Variants in CCDC158 observed in about 807,000 individuals in gnomAD.
CCDC158 encodes coiled-coil domain-containing protein 158.
CCDC158 carries 116 observed loss-of-function variants against 138.6 expected under a neutral mutation model. That is an observed-to-expected ratio of 0.84 (90% confidence interval 0.72 to 0.98). The LOEUF (loss-of-function observed/expected upper bound fraction) is 0.98. Ranked by LOEUF, CCDC158 falls within the 50% of genes least tolerant of loss-of-function variation. CCDC158 has a pLI of 0.00. For synonymous variants in CCDC158, 436 were observed against 442.4 expected (o/e 0.99, Z 0.18); for missense variants, 1,265 against 1,306.1 (o/e 0.97, Z 0.48).
chr4:76,314,775 G>A (rs2110053126), intron 24 of CCDC158, among the ~76,000 whole-genome samples: 1 of 152,250 alleles, frequency 6.6e-6, no homozygotes, highest in Admixed American at 6.5e-5. Context: ...ATCTCACAGG[G>A]GCCCTCGGGA....
chr4:76,366,893 T>A (rs1252415194), intron 12 of CCDC158, among the ~76,000 whole-genome samples: 1 of 152,154 alleles, frequency 6.6e-6, no homozygotes, highest in Non-Finnish European at 1.5e-5. Flanking sequence ...TTTTGTTTTG[T>A]TTACTTTTTG....
At chr4:76,374,120 C>G (rs1725503038) in intron 9 of CCDC158, among the ~76,000 whole-genome samples, 1 of 152,084 alleles carries the variant, frequency 6.6e-6, no homozygotes, top group Admixed American at 6.5e-5. Flanking sequence ...CGTGCCACTG[C>G]ACTCCAGCCT....
chr4:76,388,153 A>C (rs992548702), intron 4 of CCDC158, among the ~76,000 whole-genome samples: 1 of 152,172 alleles, frequency 6.6e-6, no homozygotes, highest in African/African-American at 2.4e-5. Context: ...ATTCCCAGCT[A>C]TGGTGGCTAC....
chr4:76,332,562 C>A, intron 19 of CCDC158, 71 bp from the exon 20 acceptor site: 8 of 1,183,426 alleles, frequency 6.8e-6, no homozygotes, highest in South Asian at 4.2e-5. Flanking sequence ...TTAGACTAAT[C>A]AATTGCTTAC....
chr4:76,363,560 A>G (rs543543934), intron 12 of CCDC158, among the ~76,000 whole-genome samples: 5 of 152,312 alleles, frequency 3.3e-5, no homozygotes, highest in South Asian at 4.1e-4. Context: ...ACATCTAAGC[A>G]GATGCTCCTT....
Position 76,327,819 on chromosome 4 carries a change from C to T in CCDC158, c.3010+1081G>A, listed in dbSNP as rs147818060. On this transcript the variant is annotated intron_variant, in intron 22 of 24. Transcript: ENST00000682701. ...TACAATTTACAGTCCAGATTTATAA[C>T]TACATTTTTGTTGAACAATCATCAT... Among the ~76,000 whole-genome samples the T allele has an allele frequency of 5.1e-4, 77 of 152,258 alleles. 1 individual carries two copies. The highest frequency in any genetic ancestry group is 1.8e-3 in the African/African-American group (73 of 41,558).
chr4:76,408,954 C>T (rs1194951923), intron 2 of CCDC158, among the ~76,000 whole-genome samples: 6 of 152,258 alleles, frequency 3.9e-5, no homozygotes, highest in Non-Finnish European at 7.4e-5. Context: ...AGCATTTTTT[C>T]ACGTGTCTTT....
rs1728541794 is a variant in CCDC158 at position 76,403,063 on chromosome 4, C to T, written c.70+75G>A. On this transcript the variant is annotated intron_variant, in intron 3 of 24. Coordinates refer to ENST00000682701, the MANE Select transcript of CCDC158 (RefSeq NM_001394954.1). Reference sequence around the variant, plus strand: ...CCCACATGGTTAAAAATAAAACATACTAGAAACAGCAGCTTGAATGAATAT... The same window carrying T: ...CCCACATGGTTAAAAATAAAACATATTAGAAACAGCAGCTTGAATGAATAT... 5.9e-6 allele frequency: 6 copies of T among 1,010,720 alleles called. No individual in the cohort carries two copies. The South Asian group carries it at 7.0e-5, about 12-fold the overall frequency. The allele number at this position is 1,010,720 out of a possible 1,614,324, so 62.6% of individuals were successfully genotyped here. A position where few individuals can be genotyped will look rare whatever the true frequency, so the allele number is the denominator to read the frequency against.
At chr4:76,339,970 A>G (rs1445874628) in intron 18 of CCDC158, among the ~76,000 whole-genome samples, 1 of 152,206 alleles carries the variant, frequency 6.6e-6, no homozygotes, top group Non-Finnish European at 1.5e-5. Flanking sequence ...ATCACTGACC[A>G]GAGTTTTTGG....
chr4:76,390,478 T>G (rs1727213097), intron 4 of CCDC158, among the ~76,000 whole-genome samples: 1 of 151,904 alleles, frequency 6.6e-6, no homozygotes, highest in African/African-American at 2.4e-5. Context: ...ACTGCTAAAT[T>G]TGACTGGCTT....
intron 23 of CCDC158, 104 bp downstream of exon 23, chr4:76,325,753 A>G: frequency 1.1e-6 from 1 of 887,568 alleles, no homozygotes; most frequent in Non-Finnish European, 1.7e-6. Context: ...TAGAGCTTAC[A>G]CATAAGAGCA....
chr4:76,356,608 C>A (rs1560417655), intron 14 of CCDC158: 2 of 152,104 alleles, frequency 1.3e-5, no homozygotes, highest in African/African-American at 4.8e-5. Context: ...GGCCAAACCA[C>A]ACAAAATATG....
intron 18 of CCDC158, among the ~76,000 whole-genome samples, chr4:76,350,065 A>C (rs1217959666): frequency 6.6e-6 from 1 of 152,242 alleles, no homozygotes; most frequent in Non-Finnish European, 1.5e-5. Context: ...TCAATGGAAC[A>C]TGTACATATT....
chr4:76,331,098 G>C (rs917698083), intron 21 of CCDC158, among the ~76,000 whole-genome samples: 2 of 152,028 alleles, frequency 1.3e-5, no homozygotes, highest in Non-Finnish European at 2.9e-5. Flanking sequence ...TAGAGGGCTC[G>C]GATATCTCTG....
intron 4 of CCDC158, among the ~76,000 whole-genome samples, chr4:76,384,987 G>A (rs1726653265): frequency 6.6e-6 from 1 of 152,230 alleles, no homozygotes; most frequent in African/African-American, 2.4e-5. Flanking sequence ...TTGAAATTCT[G>A]TACATAAAAA....
At chr4:76,337,115 A>G (rs7440299) in intron 18 of CCDC158, among the ~76,000 whole-genome samples, 93,488 of 151,754 alleles carry the variant, frequency 0.62, 29,182 homozygotes, top group East Asian at 0.78. Flanking sequence ...TGAGTAGCTG[A>G]GACTATAGGT....
intron 23 of CCDC158, 141 bp from the exon 24 acceptor site, chr4:76,323,550 CTT>C: frequency 1.7e-6 from 1 of 579,498 alleles, no homozygotes. Context: ...AGCTATAACA[CTT>C]AAAGGAAACT....
chr4:76,360,503 CAG>C (rs1329443798), intron 13 of CCDC158, among the ~76,000 whole-genome samples: 2 of 152,226 alleles, frequency 1.3e-5, no homozygotes, highest in Non-Finnish European at 2.9e-5. Flanking sequence ...CTGTACCCTG[CAG>C]AGTCACAGAG....
intron 3 of CCDC158, 86 bp from the exon 4 acceptor site, chr4:76,396,572 C>A: frequency 1.0e-6 from 1 of 962,880 alleles, no homozygotes; most frequent in South Asian, 1.7e-5. Context: ...AGTGCAATGG[C>A]GCGATCTTGC....
Sources: gnomAD v4.1 joint callset for allele counts (sites outside exome capture counted in the v4.1 genomes callset) on GRCh38, gnomAD v4.1.1 for gene constraint, MANE v1.5 for transcripts, NCBI Gene and HGNC (gene_info 2026-07-23, HGNC 2026-07-21) for gene names.